HYAL4: variants seen among roughly 807,000 people sequenced by gnomAD.
HYAL4 encodes the protein hyaluronidase 4.
A neutral mutation model predicts 35.2 loss-of-function variants in HYAL4; 37 were observed. That is an observed-to-expected ratio of 1.05 (90% CI 0.81 to 1.38). HYAL4 has a LOEUF of 1.38. Ranked by LOEUF, HYAL4 falls within the 40% of genes most tolerant of loss-of-function variation. The probability of loss-of-function intolerance (pLI) is 0.00; values close to 1 mark genes in which losing one functional copy is unlikely to be tolerated. For missense variants in HYAL4, 572 were observed against 572.4 expected (o/e 1.00, Z 0.01); for synonymous variants, 198 against 203.2 (o/e 0.97, Z 0.22).
chr7:123,787,053 G>A, the HYAL4 span, among the ~76,000 whole-genome samples: 1 of 144,890 alleles, frequency 6.9e-6, no homozygotes, highest in African/African-American at 2.6e-5. Context: ...GTTGCAGTGA[G>A]CTGAGATTGC....
chr7:123,819,878 A>G, the HYAL4 span, among the ~76,000 whole-genome samples: 2 of 151,878 alleles, frequency 1.3e-5, no homozygotes, highest in Non-Finnish European at 2.9e-5. Flanking sequence ...AAAAATGATA[A>G]ATAATTCTTT....
At chr7:123,838,049 G>C (rs1046285964) in intron 1 of HYAL4, among the ~76,000 whole-genome samples, 3 of 152,060 alleles carry the variant, frequency 2.0e-5, no homozygotes, top group East Asian at 3.9e-4. Context: ...TGGGATTGCT[G>C]GGTCAAATGG....
chr7:123,847,470 C>T (rs1190256136), intron 1 of HYAL4, among the ~76,000 whole-genome samples: 1 of 152,046 alleles, frequency 6.6e-6, no homozygotes, highest in Non-Finnish European at 1.5e-5. Context: ...ACATTAGGAT[C>T]TATTTTTTTA....
chr7:123,816,490 AAAT>A, the HYAL4 span, among the ~76,000 whole-genome samples: 1,652 of 152,338 alleles, frequency 0.011, 8 homozygotes, highest in Non-Finnish European at 0.016. Flanking sequence ...TAACAGTAGA[AAAT>A]AATAATAATT....
intron 2 of HYAL4, among the ~76,000 whole-genome samples, chr7:123,857,019 G>A (rs1806453231): frequency 6.6e-6 from 1 of 152,132 alleles, no homozygotes; most frequent in Non-Finnish European, 1.5e-5. Context: ...CCTGGGTAAT[G>A]GTGGACGCCC....
At chr7:123,866,966 T>C (rs946365591) in intron 2 of HYAL4, among the ~76,000 whole-genome samples, 21 of 152,270 alleles carry the variant, frequency 1.4e-4, no homozygotes, top group African/African-American at 4.8e-4. Context: ...AATTTTTGTA[T>C]TTTTGGTAGA....
intron 2 of HYAL4, among the ~76,000 whole-genome samples, chr7:123,850,869 A>G (rs957961119): frequency 9.9e-5 from 15 of 152,194 alleles, no homozygotes; most frequent in Non-Finnish European, 1.2e-4. Context: ...TATGATTGGA[A>G]CATTTCCAAA....
At chr7:123,853,390 G>A (rs2402673) in intron 2 of HYAL4, among the ~76,000 whole-genome samples, 134,828 of 151,894 alleles carry the variant, frequency 0.89, 60,138 homozygotes, top group African/African-American at 0.96. Flanking sequence ...AGCTCTTATT[G>A]TATTGAGATA....
the HYAL4 span, among the ~76,000 whole-genome samples, chr7:123,784,106 C>T: frequency 6.6e-6 from 1 of 152,104 alleles, no homozygotes; most frequent in Non-Finnish European, 1.5e-5. Flanking sequence ...TTTGAATATC[C>T]TTCAGTTTCC....
chr7:123,775,917 TC>T, the HYAL4 span, among the ~76,000 whole-genome samples: 1 of 152,174 alleles, frequency 6.6e-6, no homozygotes, highest in South Asian at 2.1e-4. Context: ...CACGTGTGTT[TC>T]AAGTTTGCAA....
At chr7:123,768,544 T>C in the HYAL4 span, among the ~76,000 whole-genome samples, 6 of 152,218 alleles carry the variant, frequency 3.9e-5, no homozygotes, top group Non-Finnish European at 8.8e-5. Flanking sequence ...CTTATGATCA[T>C]CTGATAGACT....
At chr7:123,811,897 G>A in the HYAL4 span, among the ~76,000 whole-genome samples, 2 of 151,852 alleles carry the variant, frequency 1.3e-5, no homozygotes, top group African/African-American at 2.4e-5. Context: ...GCTGGAGTGC[G>A]GTGGCACAAT....
chr7:123,844,523 A>T (rs1806134930), upstream of HYAL4, among the ~76,000 whole-genome samples: 1 of 152,172 alleles, frequency 6.6e-6, no homozygotes, highest in African/African-American at 2.4e-5. Flanking sequence ...GTCCTTTCTC[A>T]GAGCTCAAAC....
upstream of HYAL4, among the ~76,000 whole-genome samples, chr7:123,826,344 A>T (rs1805802792): frequency 6.6e-6 from 1 of 152,110 alleles, no homozygotes. Context: ...CATGGAAAAA[A>T]GCGTAAATGG....
intron 1 of HYAL4, among the ~76,000 whole-genome samples, chr7:123,834,797 T>C (rs1805938199): frequency 6.6e-6 from 1 of 152,226 alleles, no homozygotes; most frequent in Admixed American, 6.5e-5. Context: ...AAAGGGACAA[T>C]GGATTTTGTC....
chr7:123,831,259 CCTT>C (rs1422687842), intron 1 of HYAL4, among the ~76,000 whole-genome samples: 1 of 152,124 alleles, frequency 6.6e-6, no homozygotes, highest in African/African-American at 2.4e-5. Flanking sequence ...TCCCCTTTGA[CCTT>C]CTCTGCCATG....
At chr7:123,796,750 A>G in the HYAL4 span, among the ~76,000 whole-genome samples, 1 of 152,366 alleles carries the variant, frequency 6.6e-6, no homozygotes, top group East Asian at 1.9e-4. Context: ...AATATTATTC[A>G]GCCATGAAAA....
intron 2 of HYAL4, among the ~76,000 whole-genome samples, chr7:123,851,041 A>G (rs1326809209): frequency 6.6e-6 from 1 of 152,220 alleles, no homozygotes; most frequent in African/African-American, 2.4e-5. Flanking sequence ...ATTTGTATGA[A>G]AAAGTATTTC....
At chr7:123,859,988 C>A (rs774149568) in intron 2 of HYAL4, among the ~76,000 whole-genome samples, 26 of 152,092 alleles carry the variant, frequency 1.7e-4, no homozygotes, top group Non-Finnish European at 2.6e-4. Context: ...AATTATCATC[C>A]CATATGTTGT....
Sources: gnomAD v4.1 joint callset for allele counts (sites outside exome capture counted in the v4.1 genomes callset) on GRCh38, gnomAD v4.1.1 for gene constraint, MANE v1.5 for transcripts, NCBI Gene and HGNC (gene_info 2026-07-23, HGNC 2026-07-21) for gene names.